Variants in PAK2 observed in about 807,000 individuals in gnomAD.
PAK2 encodes p21 (RAC1) activated kinase 2, also known as serine/threonine-protein kinase PAK 2.
In PAK2, 21 loss-of-function variants were observed where a neutral mutation model predicts 65.9. That is an observed-to-expected ratio of 0.32 (90% CI 0.23 to 0.46). The LOEUF (loss-of-function observed/expected upper bound fraction) is 0.46. PAK2 is among the 20% of genes least tolerant of loss of function. The probability of loss-of-function intolerance (pLI) is 1.00; values close to 1 mark genes in which losing one functional copy is unlikely to be tolerated. For missense variants in PAK2, 324 were observed against 642.6 expected, an observed-to-expected ratio of 0.50 and a Z score of 5.36; for synonymous variants, 204 against 219.7, an observed-to-expected ratio of 0.93 and a Z score of 0.63.
At chr3:196,785,807 C>T (rs549508268) in intron 2 of PAK2, among the ~76,000 whole-genome samples, 133 of 152,030 alleles carry the variant, frequency 8.7e-4, no homozygotes, top group Non-Finnish European at 1.7e-3. Flanking sequence ...CAGCAGGCAA[C>T]GAGAGAGAGC....
chr3:196,778,001 C>T (rs570968673), intron 1 of PAK2, among the ~76,000 whole-genome samples: 198 of 152,248 alleles, frequency 1.3e-3, no homozygotes, highest in African/African-American at 4.6e-3. Context: ...GGAACATTTG[C>T]GTCCCCCAGA....
chr3:196,792,782 C>T (rs538316712), intron 2 of PAK2, among the ~76,000 whole-genome samples: 2 of 151,522 alleles, frequency 1.3e-5, no homozygotes, highest in South Asian at 4.2e-4. Flanking sequence ...CCTCCCAAGA[C>T]CCAACTAAAA....
intron 11 of PAK2, among the ~76,000 whole-genome samples, chr3:196,815,359 GTGCA>G (rs1560116094): frequency 1.3e-5 from 2 of 151,628 alleles, no homozygotes; most frequent in Non-Finnish European, 2.9e-5. Context: ...AGGCATGGTG[GTGCA>G]CGCCTGTAAT....
intron 2 of PAK2, among the ~76,000 whole-genome samples, chr3:196,798,689 G>C (rs1715332071): frequency 6.6e-6 from 1 of 152,162 alleles, no homozygotes; most frequent in Non-Finnish European, 1.5e-5. Context: ...ATCCAGCAGT[G>C]TATAAAAAGG....
intron 8 of PAK2, among the ~76,000 whole-genome samples, chr3:196,811,266 T>TTCCCTTCCCTCCCTTCCTTCCCTTCCC (rs1715795240): frequency 4.4e-4 from 5 of 11,282 alleles, no homozygotes; most frequent in South Asian, 5.3e-3. Context: ...CCTCCCTTCC[T>TTCCCTTCCCTCCCTTCCTTCCCTTCCC]TCCCTTCCCT....
chr3:196,807,687 T>C (rs1295217604), intron 6 of PAK2, 95 bp from the exon 7 acceptor site: 3 of 697,554 alleles, frequency 4.3e-6, no homozygotes, highest in Admixed American at 2.5e-5. Context: ...GACTACTTAG[T>C]TCAGGTTAAA....
chr3:196,811,318 CCTTCCTTCCCT>C (rs1304081210), intron 8 of PAK2, among the ~76,000 whole-genome samples: 1 of 38,032 alleles, frequency 2.6e-5, no homozygotes, highest in Non-Finnish European at 5.8e-5. Context: ...CCCTTCCTTT[CCTTCCTTCCCT>C]TCCCTCCCTT....
chr3:196,754,204 A>G (rs1358603575), intron 1 of PAK2, among the ~76,000 whole-genome samples: 1 of 152,066 alleles, frequency 6.6e-6, no homozygotes, highest in Non-Finnish European at 1.5e-5. Flanking sequence ...TTGTGACTGG[A>G]AGTTCCTGAA....
chr3:196,770,513 G>A lies in PAK2; in HGVS notation c.-21-12113G>A, dbSNP rs377623524. ...GAGTAGCCACTGTGCTCCAGCCTGG[G>A]CAACACGGCAAGACCCCATCTCTTA... On this transcript the variant is annotated intron_variant, in intron 1 of 14. Transcript: ENST00000327134. Among the ~76,000 whole-genome samples, 4 of 151,934 alleles carry A rather than the reference G, an allele frequency of 2.6e-5. No individual in the cohort carries two copies. In the East Asian group the frequency reaches 5.8e-4, roughly 22 times the overall value.
intron 1 of PAK2, among the ~76,000 whole-genome samples, chr3:196,770,520 G>A (rs1475933851): frequency 1.3e-5 from 2 of 151,718 alleles, no homozygotes; most frequent in East Asian, 1.9e-4. Flanking sequence ...TGGGCAACAC[G>A]GCAAGACCCC....
intron 1 of PAK2, among the ~76,000 whole-genome samples, chr3:196,751,273 TTC>T (rs1448333161): frequency 6.6e-6 from 1 of 152,134 alleles, no homozygotes; most frequent in Non-Finnish European, 1.5e-5. Context: ...TTCCAGCACT[TTC>T]TGAGTGCTGA....
intron 2 of PAK2, among the ~76,000 whole-genome samples, chr3:196,785,781 C>T (rs759284724): frequency 5.9e-5 from 9 of 152,138 alleles, no homozygotes; most frequent in Non-Finnish European, 1.0e-4. Context: ...GAGCAAGTCG[C>T]GTCCTACGTG....
At chr3:196,817,594 C>G (rs1711518533) in intron 11 of PAK2, among the ~76,000 whole-genome samples, 1 of 152,092 alleles carries the variant, frequency 6.6e-6, no homozygotes, top group South Asian at 2.1e-4. Flanking sequence ...CTCAGGTGAT[C>G]CACCCGCCTC....
chr3:196,790,588 A>G (rs1002020228), intron 2 of PAK2, among the ~76,000 whole-genome samples: 13 of 152,126 alleles, frequency 8.5e-5, no homozygotes, highest in African/African-American at 3.1e-4. Flanking sequence ...ATTTCTCCAA[A>G]GCTAAGGTGT....
intron 1 of PAK2, among the ~76,000 whole-genome samples, 182 bp downstream of exon 1, chr3:196,740,339 C>T (rs1331128830): frequency 6.6e-6 from 1 of 152,152 alleles, no homozygotes; most frequent in Non-Finnish European, 1.5e-5. Flanking sequence ...TTGTCTGCTC[C>T]CCAGGGCCGT....
At chr3:196,805,165 T>A (rs1235938468) in intron 4 of PAK2, among the ~76,000 whole-genome samples, 187 bp from the exon 5 acceptor site, 1 of 152,098 alleles carries the variant, frequency 6.6e-6, no homozygotes, top group Non-Finnish European at 1.5e-5. Context: ...CATGTAGATT[T>A]CAGATTTCTT....
chr3:196,742,370 C>T (rs1046239812), intron 1 of PAK2, among the ~76,000 whole-genome samples: 1 of 152,096 alleles, frequency 6.6e-6, no homozygotes, highest in African/African-American at 2.4e-5. Context: ...TAGGCGTGAG[C>T]CACGGCACAC....
intron 12 of PAK2, among the ~76,000 whole-genome samples, chr3:196,818,636 G>T (rs1711555884): frequency 6.6e-6 from 1 of 152,158 alleles, no homozygotes; most frequent in African/African-American, 2.4e-5. Context: ...AAAGTGCTGG[G>T]ATTACAGGCG....
chr3:196,823,012 A>T (rs577478573), intron 13 of PAK2, among the ~76,000 whole-genome samples: 1 of 152,248 alleles, frequency 6.6e-6, no homozygotes, highest in East Asian at 1.9e-4. Flanking sequence ...CTTTTACTGG[A>T]GGCCAAATGG....
Sources: allele counts gnomAD v4.1 joint callset (sites outside exome capture counted in the v4.1 genomes callset), GRCh38; gene constraint gnomAD v4.1.1; transcripts MANE v1.5; gene names NCBI Gene and HGNC (gene_info 2026-07-23, HGNC 2026-07-21).